The following DCDC1 variants were observed in gnomAD, a reference collection of about 807,000 sequenced individuals.
The protein encoded by DCDC1 is doublecortin domain-containing protein 1.
DCDC1 carries 200 observed loss-of-function variants against 178.3 expected under a neutral mutation model. The ratio of observed to expected loss-of-function variants is 1.12; its 90% CI spans 1.00 to 1.26. The LOEUF (loss-of-function observed/expected upper bound fraction) is 1.26, where lower values mean the gene tolerates loss of function less well. Among genes scored for constraint, DCDC1 ranks in the 50% most tolerant of loss-of-function variants. The pLI, the probability that DCDC1 is intolerant of heterozygous loss-of-function variation, is 0.00. For synonymous variants in DCDC1, 690 were observed against 604.8 expected, an observed-to-expected ratio of 1.14 and a Z score of -2.07; for missense variants, 1,983 against 1,749.2, an observed-to-expected ratio of 1.13 and a Z score of -2.38.
At chr11:31,187,431 A>C (rs985706201) in intron 9 of DCDC1, among the ~76,000 whole-genome samples, 1 of 152,236 alleles carries the variant, frequency 6.6e-6, no homozygotes, top group African/African-American at 2.4e-5. Context: ...CAATGACAGG[A>C]AATTATTGGC....
At chr11:31,166,237 C>T (rs1420331575) in intron 9 of DCDC1, among the ~76,000 whole-genome samples, 1 of 152,142 alleles carries the variant, frequency 6.6e-6, no homozygotes, top group Non-Finnish European at 1.5e-5. Flanking sequence ...CATTATTTCT[C>T]TCTCAAGTTT....
intron 7 of DCDC1, among the ~76,000 whole-genome samples, chr11:31,278,891 C>T (rs1305787076): frequency 3.3e-5 from 5 of 152,114 alleles, no homozygotes; most frequent in South Asian, 2.1e-4. Context: ...TCCAAATTTG[C>T]TCCTGTTTAA....
chr11:31,117,798 G>A, intron 11 of DCDC1, among the ~76,000 whole-genome samples: 1 of 151,898 alleles, frequency 6.6e-6, no homozygotes, highest in East Asian at 1.9e-4. Context: ...AGTGGCAAAG[G>A]AAATTTGCTT....
At chr11:31,262,900 T>C (rs1395797305) in intron 8 of DCDC1, 5 of 627,538 alleles carry the variant, frequency 8.0e-6, no homozygotes, top group Non-Finnish European at 1.3e-5. Flanking sequence ...CACATGTTAG[T>C]GGTTGCACAG....
At chr11:31,009,141 CA>C (rs1456005417) in intron 20 of DCDC1, among the ~76,000 whole-genome samples, 1 of 152,042 alleles carries the variant, frequency 6.6e-6, no homozygotes, top group African/African-American at 2.4e-5. Flanking sequence ...TTATTTTCTT[CA>C]AAGAAAAAGG....
At chr11:31,240,725 AG>A (rs1307548363) in intron 9 of DCDC1, among the ~76,000 whole-genome samples, 1 of 152,046 alleles carries the variant, frequency 6.6e-6, no homozygotes, top group Non-Finnish European at 1.5e-5. Context: ...CTTAAAACCA[AG>A]TACAAAGAGG....
intron 22 of DCDC1, among the ~76,000 whole-genome samples, chr11:30,927,939 G>A (rs1281903860): frequency 1.3e-5 from 2 of 151,890 alleles, no homozygotes; most frequent in Admixed American, 6.6e-5. Context: ...AAAAAATACT[G>A]ATTAAAAAAA....
intron 11 of DCDC1, among the ~76,000 whole-genome samples, chr11:31,120,929 G>A (rs1053423254): frequency 1.3e-5 from 2 of 152,172 alleles, no homozygotes; most frequent in African/African-American, 2.4e-5. Flanking sequence ...TGAAGAGGAG[G>A]AGGAGTTGCA....
chr11:31,278,379 G>C (rs1302798858), intron 7 of DCDC1, among the ~76,000 whole-genome samples: 1 of 152,096 alleles, frequency 6.6e-6, no homozygotes, highest in Admixed American at 6.6e-5. Context: ...GGATGAACCT[G>C]GAGGGCATTA....
At chr11:30,942,519 G>T (rs893142715) in intron 21 of DCDC1, among the ~76,000 whole-genome samples, 1 of 152,154 alleles carries the variant, frequency 6.6e-6, no homozygotes, top group Non-Finnish European at 1.5e-5. Flanking sequence ...AAAGGCAAAA[G>T]AAACAAGATT....
intron 9 of DCDC1, among the ~76,000 whole-genome samples, chr11:31,240,464 AAAGTC>A (rs1976981788): frequency 1.3e-5 from 2 of 152,152 alleles, no homozygotes; most frequent in East Asian, 3.9e-4. Context: ...ACTTTATTCC[AAAGTC>A]AATACAAGTT....
chr11:30,873,362 T>TAGAGAGAGAGAGAG (rs1220218244), intron 38 of DCDC1, among the ~76,000 whole-genome samples: 63 of 138,046 alleles, frequency 4.6e-4, no homozygotes, highest in African/African-American at 1.7e-3. Context: ...TATATATATA[T>TAGAGAGAGAGAGAG]ATAGAGAGAG....
intron 20 of DCDC1, among the ~76,000 whole-genome samples, chr11:30,961,338 A>G (rs547843100): frequency 4.6e-5 from 7 of 152,240 alleles, no homozygotes; most frequent in South Asian, 4.1e-4. Flanking sequence ...ATTGTTTCCA[A>G]TAAGGTAATG....
chr11:31,225,090 G>A (rs1182772713), intron 9 of DCDC1, among the ~76,000 whole-genome samples: 1 of 152,058 alleles, frequency 6.6e-6, no homozygotes, highest in Non-Finnish European at 1.5e-5. Flanking sequence ...AGTCACAATT[G>A]CAAAAATATG....
chr11:30,880,724 C>T (rs764830447), intron 37 of DCDC1, among the ~76,000 whole-genome samples: 13 of 151,932 alleles, frequency 8.6e-5, no homozygotes, highest in African/African-American at 2.2e-4. Flanking sequence ...AAATGACCAA[C>T]GAATAGACAA....
chr11:30,877,474 G>A (rs1942240041), intron 38 of DCDC1, among the ~76,000 whole-genome samples: 1 of 152,004 alleles, frequency 6.6e-6, no homozygotes, highest in African/African-American at 2.4e-5. Context: ...CCTACCTGTA[G>A]GATTAATACC....
rs186408636 is a variant in DCDC1, at chr11:31,325,943, C to T, written c.164+2174G>A. 3.3e-5 allele frequency among the ~76,000 whole-genome samples: 5 copies of T among 152,196 alleles called. No homozygotes were observed. In the East Asian group the frequency reaches 7.7e-4, roughly 23 times the overall value. ...TTTACTCATAGAGAAAATTGCCTCTCTCTGATAATCATATTAATACCAATG... is the reference window on the plus strand; with the variant it reads ...TTTACTCATAGAGAAAATTGCCTCTTTCTGATAATCATATTAATACCAATG... On this transcript the variant is annotated intron_variant, in intron 3 of 38. Transcript: ENST00000684477.
At chr11:31,263,958 A>G (rs182985011) in intron 8 of DCDC1, among the ~76,000 whole-genome samples, 3 of 152,336 alleles carry the variant, frequency 2.0e-5, no homozygotes, top group Admixed American at 6.5e-5. Context: ...ACAAAACAGT[A>G]TCTCTAGAGA....
chr11:30,895,510 A>G (rs273568), intron 34 of DCDC1, among the ~76,000 whole-genome samples: 15,389 of 152,210 alleles, frequency 0.1, 963 homozygotes, highest in Admixed American at 0.19. Context: ...TTTTTAGACC[A>G]TGACTCAAAC....
Sources: gnomAD v4.1 joint callset for allele counts (sites outside exome capture counted in the v4.1 genomes callset) on GRCh38, gnomAD v4.1.1 for gene constraint, MANE v1.5 for transcripts, NCBI Gene and HGNC (gene_info 2026-07-23, HGNC 2026-07-21) for gene names.